The following SAG variants were observed in gnomAD, a reference collection of about 807,000 sequenced individuals.
SAG encodes the protein S-antigen visual arrestin, also known as S-arrestin.
A neutral mutation model predicts 55.0 loss-of-function variants in SAG; 45 were observed. The observed-to-expected ratio is 0.82, with a 90% CI of 0.64 to 1.05. SAG has a LOEUF of 1.05. SAG is among the 50% of genes least tolerant of loss of function. The pLI is 0.00. For synonymous variants in SAG, 189 were observed against 197.4 expected, an observed-to-expected ratio of 0.96 and a Z score of 0.36; for missense variants, 455 against 512.1, an observed-to-expected ratio of 0.89 and a Z score of 1.08.
Position 233,319,645 on chromosome 2 carries a change from CTCCTGGGTGCCCTGCTCCTCTCTGG to C in SAG, c.181+851_181+875del, listed in dbSNP as rs1700320744. On this transcript the variant is annotated intron_variant, in intron 4 of 15. Coordinates refer to ENST00000409110, the MANE Select transcript of SAG (RefSeq NM_000541.5). The surrounding 1 kb of genome is among the most constrained non-coding windows in gnomAD (Gnocchi z 4.4). ...GGCCCCCTCTGTCCTCTCCACCTTC[CTCCTGGGTGCCCTGCTCCTCTCTGG>C]ACCAGGAGGCATCTGGTTTGAGCCC... is the stretch of plus-strand genomic sequence containing the variant. 1 of 985,964 alleles carries C rather than the reference CTCCTGGGTGCCCTGCTCCTCTCTGG, an allele frequency of 1.0e-6. No individual in the cohort carries two copies. Among genetic ancestry groups the C allele is most frequent in the Non-Finnish European group, 1.2e-6 (1 of 830,468 alleles). The allele number at this position is 985,964 out of a possible 1,614,324, so 61.1% of individuals were successfully genotyped here.
chr2:233,338,347 C>T (rs1010211964), intron 11 of SAG, among the ~76,000 whole-genome samples: 2 of 152,190 alleles, frequency 1.3e-5, no homozygotes, highest in Non-Finnish European at 2.9e-5. Context: ...TGGGGACTTG[C>T]AGTTTTGGCA....
At chr2:233,346,513 C>T (rs559301058) in intron 15 of SAG, 101 bp downstream of exon 15, 109 of 1,294,808 alleles carry the variant, frequency 8.4e-5, no homozygotes, top group Admixed American at 4.3e-4. Context: ...ATCCCAAGCT[C>T]TCCTGCCGGC....
chr2:233,327,208 G>A lies in SAG; in HGVS notation c.512+11G>A. ...CAAAATCCCCAAGAAGTAAGAGTAT[G>A]GTTGCGGAATAGGTGAGGGGTCTGC... On this transcript the variant is annotated intron_variant, in intron 7 of 15. Transcript: ENST00000409110. 1.9e-6 allele frequency: 3 copies of A among 1,611,838 alleles called. No individual in the cohort carries two copies. The highest frequency in any genetic ancestry group is 2.2e-5 in the East Asian group (1 of 44,858).
chr2:233,309,300 T>G, intron 2 of SAG, 36 bp downstream of exon 2: 2 of 1,569,080 alleles, frequency 1.3e-6, no homozygotes, highest in Non-Finnish European at 1.8e-6. Flanking sequence ...TGATAGAAAT[T>G]ATTGTTTAAA....
rs1700286646 is a variant in SAG, at chr2:233,318,748, T to G, written c.137-3T>G. ...TCACTGCTCTCTCCCTCTTTTGCCT[T>G]AGATGGTGTCGTGTTGGTTGATCCT... On this transcript the variant is annotated splice_polypyrimidine_tract_variant and splice_region_variant and intron_variant, in intron 3 of 15. Transcript: ENST00000409110. 1 of 1,613,592 alleles carries G rather than the reference T, an allele frequency of 6.2e-7. No homozygotes were observed.
intron 5 of SAG, among the ~76,000 whole-genome samples, chr2:233,321,229 G>A (rs560662404): frequency 4.8e-4 from 73 of 152,258 alleles, no homozygotes; most frequent in African/African-American, 1.7e-3. Flanking sequence ...CCCACAGCTT[G>A]GGGGATCACA....
At chr2:233,346,273 G>C in intron 14 of SAG, 130 bp from the exon 15 acceptor site, 1 of 936,078 alleles carries the variant, frequency 1.1e-6, no homozygotes, top group Non-Finnish European at 1.8e-6. Context: ...ATGTATCTAG[G>C]CCTTATCTCT....
At chr2:233,339,015 A>G (rs1701021493) in intron 12 of SAG, among the ~76,000 whole-genome samples, 1 of 152,348 alleles carries the variant, frequency 6.6e-6, no homozygotes, top group South Asian at 2.1e-4. Flanking sequence ...ACGTGTGCAT[A>G]TGTGCATGTG....
chr2:233,318,691 TA>T (rs1225721488), intron 3 of SAG, 59 bp from the exon 4 acceptor site: 1 of 1,382,894 alleles, frequency 7.2e-7, no homozygotes, highest in Non-Finnish European at 1.0e-6. Context: ...GTTTTTAAAG[TA>T]GGTGTCTGGT....
At chr2:233,342,783 G>A (rs919365955) in intron 14 of SAG, 8 of 171,534 alleles carry the variant, frequency 4.7e-5, no homozygotes, top group Non-Finnish European at 9.8e-5. Context: ...TTTTTGAGAC[G>A]GAGTCTCACT....
rs756890571 is a variant in SAG, at chr2:233,327,209, G to C, written c.512+12G>C. 1 of 1,611,354 alleles carries C rather than the reference G, an allele frequency of 6.2e-7. No homozygotes were observed. Among genetic ancestry groups the C allele is most frequent in the African/African-American group, 1.3e-5 (1 of 74,834 alleles). On this transcript the variant is annotated intron_variant, in intron 7 of 15. Coordinates refer to ENST00000409110, the MANE Select transcript of SAG (RefSeq NM_000541.5). ...AAAATCCCCAAGAAGTAAGAGTATG[G>C]TTGCGGAATAGGTGAGGGGTCTGCG...
At position 233,328,509 on chromosome 2, in the gene SAG, C is replaced by T; in HGVS notation, c.544C>T (p.Gln182Ter). ...SSVRLLIRKV[Q>*]HAPLEMGPQP... ...CGTGCGATTACTGATCCGCAAAGTA[C>T]AGCATGCCCCACTTGAGATGGGTCC... is the stretch of plus-strand genomic sequence containing the variant. Residue 182 changes from glutamine (Q) to a stop codon, truncating the protein, a stop_gained, in exon 8 of 16, where the codon CAG becomes TAG. Transcript: ENST00000409110. LOFTEE classifies it high-confidence loss of function. The T allele has an allele frequency of 3.7e-6, 6 of 1,613,950 alleles. No homozygotes were observed. Among genetic ancestry groups the T allele is most frequent in the Non-Finnish European group, 5.1e-6 (6 of 1,179,840 alleles).
At chr2:233,343,567 G>A (rs1040745246) in intron 14 of SAG, 64 of 659,170 alleles carry the variant, frequency 9.7e-5, no homozygotes, top group Middle Eastern at 3.0e-4. Flanking sequence ...CTAGACTGTC[G>A]ACTGTGAAAA....
rs151281271 is a variant in SAG at position 233,318,759 on chromosome 2, G to A, written c.145G>A (p.Val49Met). Residue 49 changes from valine to methionine, a missense_variant, in exon 4 of 16, where the codon GTG becomes ATG. Coordinates refer to ENST00000409110, the MANE Select transcript of SAG (RefSeq NM_000541.5). ...VSQVQPVDGVVLVDPDLVKGK... is the reference protein window; with the variant it reads ...VSQVQPVDGVMLVDPDLVKGK... ...TCCCTCTTTTGCCTTAGATGGTGTC[G>A]TGTTGGTTGATCCTGATCTTGTGAA... is the stretch of plus-strand genomic sequence containing the variant. The A allele has an allele frequency of 1.3e-4, 208 of 1,613,790 alleles. No individual in the cohort carries two copies. Among genetic ancestry groups the A allele is most frequent in the Middle Eastern group, 3.3e-4 (2 of 6,062 alleles).
At chr2:233,334,833 T>C in intron 10 of SAG, 129 bp from the exon 11 acceptor site, 1 of 1,125,670 alleles carries the variant, frequency 8.9e-7, no homozygotes, top group Non-Finnish European at 1.3e-6. Context: ...TCCCAGGCTC[T>C]TGAACCCACC....
chr2:233,330,663 T>C (rs2125339561), intron 9 of SAG, among the ~76,000 whole-genome samples: 2 of 152,142 alleles, frequency 1.3e-5, no homozygotes, highest in South Asian at 4.2e-4. Flanking sequence ...CCCAAGTAGC[T>C]GGGATTACAG....
intron 6 of SAG, among the ~76,000 whole-genome samples, chr2:233,325,132 A>G (rs1209644656): frequency 6.7e-6 from 1 of 150,282 alleles, no homozygotes; most frequent in Admixed American, 6.7e-5. Flanking sequence ...TGAACCTGGG[A>G]GGCGGAGATT....
intron 14 of SAG, chr2:233,344,095 A>G (rs1701182956): frequency 6.6e-6 from 1 of 152,488 alleles, no homozygotes; most frequent in South Asian, 2.1e-4. Flanking sequence ...TTTCAAGGAC[A>G]TTAAAAAGAT....
At chr2:233,331,483 C>T (rs998660758) in intron 9 of SAG, 157 bp from the exon 10 acceptor site, 1 of 690,610 alleles carries the variant, frequency 1.4e-6, no homozygotes, top group Non-Finnish European at 2.6e-6. Context: ...TTCAAAACCC[C>T]AGCCTTGAAG....
Sources: allele counts gnomAD v4.1 joint callset (sites outside exome capture counted in the v4.1 genomes callset), GRCh38; gene constraint gnomAD v4.1.1; non-coding constraint Gnocchi (gnomAD v3.1); transcripts MANE v1.5; gene names NCBI Gene and HGNC (gene_info 2026-07-23, HGNC 2026-07-21).